Variants in ABCC9 observed in about 807,000 individuals in gnomAD.
ABCC9 encodes ATP-binding cassette sub-family C member 9.
In ABCC9, 95 loss-of-function variants were observed where a neutral mutation model predicts 188.3. The ratio of observed to expected loss-of-function variants is 0.50; its 90% CI spans 0.43 to 0.60. The LOEUF (loss-of-function observed/expected upper bound fraction) is 0.60. Among genes scored for constraint, ABCC9 ranks in the 20% least tolerant of loss-of-function variants. The pLI is 0.00. For missense variants in ABCC9, 1,102 were observed against 1,876.3 expected (o/e 0.59, Z 7.62); for synonymous variants, 659 against 652.7 (o/e 1.01, Z -0.15).
chr12:21,868,245 A>G (rs939802614), intron 18 of ABCC9, among the ~76,000 whole-genome samples: 9 of 152,244 alleles, frequency 5.9e-5, no homozygotes, highest in African/African-American at 2.2e-4. Flanking sequence ...TGGATGAACA[A>G]CAATGCCTTT....
At chr12:21,908,234 AAG>A in intron 10 of ABCC9, 23 bp from the exon 11 acceptor site, 1 of 1,611,442 alleles carries the variant, frequency 6.2e-7, no homozygotes, top group South Asian at 1.1e-5. Flanking sequence ...ACACATGGAA[AAG>A]AGAAGATGAA....
In ABCC9 at chr12:21,940,775, G is replaced by A. The variant is rs1949656375; in HGVS notation, c.-86C>T. 1 of 151,998 alleles carries A rather than the reference G, an allele frequency of 6.6e-6. No homozygotes were observed. 9.4% of individuals were successfully genotyped at this position (151,998 alleles called of 1,614,324 possible). A position where few individuals can be genotyped will look rare whatever the true frequency, so the allele number is the denominator to read the frequency against. ...GCACTTGAGCTACCTTCAAAACACC[G>A]ACTTCCTACACTGTCTTAAGATGTA... On this transcript the variant is annotated 5_prime_UTR_variant, in exon 2 of 40. Transcript: ENST00000261200.
chr12:21,837,764 T>C (rs1378841275), intron 30 of ABCC9, among the ~76,000 whole-genome samples: 1 of 116,176 alleles, frequency 8.6e-6, no homozygotes, highest in Non-Finnish European at 1.8e-5. Context: ...CCAATGACCC[T>C]AAGAAGCAAA....
chr12:21,833,017 C>A (rs1238029968), intron 30 of ABCC9, among the ~76,000 whole-genome samples: 1 of 152,122 alleles, frequency 6.6e-6, no homozygotes, highest in Non-Finnish European at 1.5e-5. Context: ...AGAAGTAACT[C>A]AAGAATAGAA....
Position 21,863,048 on chromosome 12 carries a change from G to A in ABCC9, c.2244C>T (p.Asn748=). Reference sequence around the variant, plus strand: ...GAGCTGCATATGCCACAGAGTACCTGTTCCTACTGAAAAATGAAAAAGAAA... The same window carrying A: ...GAGCTGCATATGCCACAGAGTACCTATTCCTACTGAAAAATGAAAAAGAAA... ...EPSFEATRSR[N]RYSVAYAAQK... The change falls in exon 20 of 40, where the codon AAC becomes AAT. Residue 748 remains asparagine, a synonymous_variant. Transcript: ENST00000261200. 1 of 1,600,788 alleles carries A rather than the reference G, an allele frequency of 6.2e-7. No homozygotes were observed. The highest frequency in any genetic ancestry group is 8.5e-7 in the Non-Finnish European group (1 of 1,171,318).
chr12:21,875,100 C>T (rs996089775), intron 17 of ABCC9, among the ~76,000 whole-genome samples: 24 of 147,258 alleles, frequency 1.6e-4, no homozygotes, highest in African/African-American at 6.1e-4. Context: ...CAGAAGAACA[C>T]AAGGAAATTT....
intron 18 of ABCC9, among the ~76,000 whole-genome samples, chr12:21,869,391 C>T (rs185112820): frequency 3.9e-5 from 6 of 152,244 alleles, no homozygotes; most frequent in Admixed American, 2.0e-4. Flanking sequence ...AATGGTTTCC[C>T]GCACTTTCCC....
At chr12:21,935,086 C>A (rs756091003) in intron 3 of ABCC9, among the ~76,000 whole-genome samples, 6 of 151,990 alleles carry the variant, frequency 3.9e-5, no homozygotes, top group Non-Finnish European at 8.8e-5. Context: ...TTAACAATGT[C>A]CCCTCAAATT....
In ABCC9 at chr12:21,852,468, T is replaced by A; in HGVS notation, c.2543A>T (p.Asp848Val). ...CAAAATCCCCTCCTGCATTAAATGA[T>A]CACTCAAGTGAATGTCCAGGGCTGA... ...PFSALDIHLS[D>V]HLMQEGILKF... Residue 848 changes from aspartate (D) to valine (V), a missense_variant, in exon 23 of 40, where the codon GAT becomes GTT. Asp to Val is a radical substitution (Grantham distance 152). Coordinates refer to ENST00000261200, the MANE Select transcript of ABCC9 (RefSeq NM_020297.4). The A allele has an allele frequency of 6.2e-7, 1 of 1,613,130 alleles. No homozygotes were observed. Among genetic ancestry groups the A allele is most frequent in the Non-Finnish European group, 8.5e-7 (1 of 1,179,958 alleles).
chr12:21,929,537 T>C (rs2138029226), intron 4 of ABCC9, among the ~76,000 whole-genome samples: 1 of 152,112 alleles, frequency 6.6e-6, no homozygotes, highest in East Asian at 1.9e-4. Context: ...AATGAGCATT[T>C]GTCAGATATT....
At chr12:21,926,718 C>T (rs554592135) in intron 4 of ABCC9, among the ~76,000 whole-genome samples, 1 of 152,298 alleles carries the variant, frequency 6.6e-6, no homozygotes, top group African/African-American at 2.4e-5. Context: ...GGAATGGCTA[C>T]TCAGAGGAAG....
At chr12:21,813,986 T>C (rs1942436744) in intron 35 of ABCC9, among the ~76,000 whole-genome samples, 2 of 152,194 alleles carry the variant, frequency 1.3e-5, no homozygotes, top group African/African-American at 4.8e-5. Context: ...TCATTCAAGA[T>C]ACTTTATGTG....
intron 28 of ABCC9, among the ~76,000 whole-genome samples, chr12:21,843,909 T>G (rs1042444771): frequency 6.6e-6 from 1 of 152,326 alleles, no homozygotes; most frequent in Middle Eastern, 3.4e-3. Context: ...TATGATGAAT[T>G]CCTTTCTCAG....
intron 30 of ABCC9, among the ~76,000 whole-genome samples, chr12:21,833,842 C>A (rs566136470): frequency 2.6e-5 from 4 of 152,196 alleles, no homozygotes; most frequent in Admixed American, 2.6e-4. Context: ...GTTAACTGTC[C>A]CATCCCGCCT....
intron 30 of ABCC9, 82 bp from the exon 31 acceptor site, chr12:21,829,142 C>G: frequency 1.3e-6 from 1 of 741,172 alleles, no homozygotes. Context: ...ACACTATTTA[C>G]TCAACACAGT....
rs2137149143 is a variant in ABCC9 at position 21,812,169 on chromosome 12, A to G, written c.4103-12T>C. On this transcript the variant is annotated splice_polypyrimidine_tract_variant and intron_variant, in intron 35 of 39. Coordinates refer to ENST00000261200, the MANE Select transcript of ABCC9 (RefSeq NM_020297.4). ...AATGACAATTTTTCCTGTTAAGGAGAAACAGAAGTTACACACACATAGTAA... is the reference window on the plus strand; with the variant it reads ...AATGACAATTTTTCCTGTTAAGGAGGAACAGAAGTTACACACACATAGTAA... 1 of 1,515,794 alleles carries G rather than the reference A, an allele frequency of 6.6e-7. No homozygotes were observed. The highest frequency in any genetic ancestry group is 9.2e-7 in the Non-Finnish European group (1 of 1,090,762). The allele number at this position is 1,515,794 out of a possible 1,614,324, so 93.9% of individuals were successfully genotyped here.
chr12:21,895,144 C>T lies in ABCC9; in HGVS notation c.1659+131G>A, dbSNP rs2137746676. On this transcript the variant is annotated intron_variant, in intron 13 of 39. Coordinates refer to ENST00000261200, the MANE Select transcript of ABCC9 (RefSeq NM_020297.4). ...GAGAAACCCTGGATTAGAACTCTTG[C>T]AATGGAGACTGCCATAGAGAGAAGT... is the stretch of plus-strand genomic sequence containing the variant. The T allele has an allele frequency of 5.3e-6, 4 of 758,722 alleles. No individual in the cohort carries two copies. In the East Asian group the frequency reaches 1.1e-4, roughly 20 times the overall value. 47.0% of individuals were successfully genotyped at this position (758,722 alleles called of 1,614,324 possible). A position where few individuals can be genotyped will look rare whatever the true frequency, so the allele number is the denominator to read the frequency against.
At chr12:21,828,159 C>T (rs1943500456) in intron 31 of ABCC9, among the ~76,000 whole-genome samples, 1 of 152,210 alleles carries the variant, frequency 6.6e-6, no homozygotes, top group Non-Finnish European at 1.5e-5. Context: ...ACATTACCAT[C>T]AAAGTAGCTT....
chr12:21,821,049 A>C (rs528127129), intron 31 of ABCC9, among the ~76,000 whole-genome samples: 1 of 152,196 alleles, frequency 6.6e-6, no homozygotes, highest in Admixed American at 6.5e-5. Context: ...GGAGTAAATG[A>C]CTAGATAAAT....
Sources: allele counts gnomAD v4.1 joint callset (sites outside exome capture counted in the v4.1 genomes callset), GRCh38; gene constraint gnomAD v4.1.1; transcripts MANE v1.5; gene names NCBI Gene and HGNC (gene_info 2026-07-23, HGNC 2026-07-21).